NEFH: variants seen among roughly 807,000 people sequenced by gnomAD.
The protein encoded by NEFH is neurofilament heavy polypeptide.
A neutral mutation model predicts 56.6 loss-of-function variants in NEFH; 58 were observed. That is an observed-to-expected ratio of 1.03 (90% confidence interval 0.83 to 1.28). The LOEUF is 1.28. NEFH is among the 50% of genes most tolerant of loss of function. The pLI, the probability that NEFH is intolerant of heterozygous loss-of-function variation, is 0.00. For synonymous variants in NEFH, 542 were observed against 545.8 expected (o/e 0.99, Z 0.10); for missense variants, 1,221 against 1,307.6 (o/e 0.93, Z 1.02).
rs2240634 is a variant in NEFH at position 29,484,513 on chromosome 22, G to A, written c.1083+939G>A. Among the ~76,000 whole-genome samples, 1,464 of 152,120 alleles carry A rather than the reference G, an allele frequency of 9.6e-3. 66 individuals are homozygous for A. In the East Asian group the frequency reaches 0.15, roughly 16 times the overall value. On this transcript the variant is annotated intron_variant, in intron 2 of 3. Transcript: ENST00000310624. Reference sequence around the variant, plus strand: ...AAAAATTAACTGGGCATGGTGGTGCGTGCCTGTAATCCCAGCTACTTGGGA... The same window carrying A: ...AAAAATTAACTGGGCATGGTGGTGCATGCCTGTAATCCCAGCTACTTGGGA...
At position 29,481,108 on chromosome 22, in the gene NEFH, G is replaced by C; in HGVS notation, c.846G>C (p.Ala282=). The change falls in exon 1 of 4, where the codon GCG becomes GCC. Residue 282 remains alanine (A), a synonymous_variant. Coordinates refer to ENST00000310624, the MANE Select transcript of NEFH (RefSeq NM_021076.4). The part of the protein sequence containing the change: ...REIRAQLEGH[A]VQSTLQSEEW... ...TTCGCGCGCAGCTTGAAGGCCACGC[G>C]GTGCAGAGCACGCTGCAGTCCGAGG... The C allele has an allele frequency of 6.5e-7, 1 of 1,531,900 alleles. No homozygotes were observed. Among genetic ancestry groups the C allele is most frequent in the Non-Finnish European group, 8.7e-7 (1 of 1,145,768 alleles). The allele number at this position is 1,531,900 out of a possible 1,614,324, so 94.9% of individuals were successfully genotyped here. A position where few individuals can be genotyped will look rare whatever the true frequency, so the allele number is the denominator to read the frequency against.
At position 29,480,398 on chromosome 22, in the gene NEFH, G is replaced by T. The variant is rs757318200; in HGVS notation, c.136G>T (p.Gly46Cys). 3.3e-6 allele frequency: 5 copies of T among 1,536,310 alleles called. No homozygotes were observed. The highest frequency in any genetic ancestry group is 4.4e-6 in the Non-Finnish European group (5 of 1,148,250). Reference sequence around the variant, plus strand: ...GCGCTCCGCCGCTGGCTCCTCCAGCGGCTTCCACTCGTGGACACGGACGTC... The same window carrying T: ...GCGCTCCGCCGCTGGCTCCTCCAGCTGCTTCCACTCGTGGACACGGACGTC... The part of the protein sequence containing the change: ...GTRSAAGSSS[G>C]FHSWTRTSVS... The change falls in exon 1 of 4, where the codon GGC (glycine) becomes TGC (cysteine). Residue 46 changes from glycine to cysteine, a missense_variant. Around this residue, in one of 4 missense-constraint regions of NEFH, gnomAD observed 640 missense variants for 555.5 expected, o/e 1.15. Coordinates refer to ENST00000310624, the MANE Select transcript of NEFH (RefSeq NM_021076.4).
At position 29,490,201 on chromosome 22, in the gene NEFH, A is replaced by G; in HGVS notation, c.2561A>G (p.Glu854Gly). The G allele has an allele frequency of 1.2e-6, 2 of 1,611,104 alleles. No homozygotes were observed. Among genetic ancestry groups the G allele is most frequent in the South Asian group, 1.1e-5 (1 of 90,764 alleles). Residue 854 changes from glutamate to glycine, a missense_variant, in exon 4 of 4, where the codon GAG becomes GGG. This residue lies in a region of NEFH where 301 missense variants were observed against 346.6 expected (regional missense o/e 0.87). Coordinates refer to ENST00000310624, the MANE Select transcript of NEFH (RefSeq NM_021076.4). ...AAAGCCCCTGCCACACCAAAAACAG[A>G]GGAGAAGAAGGACAGCAAGAAAGAG... ...EEKAPATPKT[E>G]EKKDSKKEEA...
chr22:29,481,149 C>A lies in NEFH; in HGVS notation c.883+4C>A. 1 of 1,523,894 alleles carries A rather than the reference C, an allele frequency of 6.6e-7. No individual in the cohort carries two copies. The highest frequency in any genetic ancestry group is 1.2e-5 in the South Asian group (1 of 83,158). 94.4% of individuals were successfully genotyped at this position (1,523,894 alleles called of 1,614,324 possible). On this transcript the variant is annotated splice_donor_region_variant and intron_variant, in intron 1 of 3. Coordinates refer to ENST00000310624, the MANE Select transcript of NEFH (RefSeq NM_021076.4). Reference sequence around the variant, plus strand: ...CAGTCCGAGGAGTGGTTCCGAGGTACGCAGGCGCGCGGGTGGGGGGAGGGG... The same window carrying A: ...CAGTCCGAGGAGTGGTTCCGAGGTAAGCAGGCGCGCGGGTGGGGGGAGGGG...
chr22:29,482,932 T>C (rs1034381997), intron 1 of NEFH, among the ~76,000 whole-genome samples: 24 of 152,146 alleles, frequency 1.6e-4, no homozygotes, highest in African/African-American at 4.8e-4. Flanking sequence ...GAGTCAAGCA[T>C]ACAGGATGGT....
chr22:29,482,941 G>T (rs1046802224), intron 1 of NEFH, among the ~76,000 whole-genome samples: 2 of 152,180 alleles, frequency 1.3e-5, no homozygotes, highest in Non-Finnish European at 2.9e-5. Flanking sequence ...ATACAGGATG[G>T]TGTCTGGCAC....
rs766285926 is a variant in NEFH, at chr22:29,489,173, C to T, written c.1533C>T (p.Ser511=). Residue 511 remains serine (S), a synonymous_variant, in exon 4 of 4, where the codon TCC becomes TCT. Coordinates refer to ENST00000310624, the MANE Select transcript of NEFH (RefSeq NM_021076.4). Reference sequence around the variant, plus strand: ...CTCCCCCAGCAGAAGAGGCTGCATCCCCAGAGAAGGAAGCCAAGTCACCAG... The same window carrying T: ...CTCCCCCAGCAGAAGAGGCTGCATCTCCAGAGAAGGAAGCCAAGTCACCAG... ...TKSPPAEEAA[S]PEKEAKSPVK... 1.2e-5 allele frequency: 20 copies of T among 1,613,952 alleles called. No homozygotes were observed. The African/African-American group carries it at 2.3e-4, about 18-fold the overall frequency.
chr22:29,489,342 G>C lies in NEFH; in HGVS notation c.1702G>C (p.Glu568Gln). ...GTCACCGCCTGAGGCCAAGTCCCCA[G>C]AGAAGGAGGAAGCAAAATCTCCAGC... ...AKSPPEAKSP[E>Q]KEEAKSPAEV... Residue 568 changes from glutamate to glutamine, a missense_variant, in exon 4 of 4, where the codon GAG becomes CAG. Physicochemically the swap from Glu to Gln is conservative, Grantham distance 29 (BLOSUM62 2). Around this residue, in one of 4 missense-constraint regions of NEFH, gnomAD observed 243 missense variants for 299.1 expected, o/e 0.81. Transcript: ENST00000310624. 1 of 1,613,752 alleles carries C rather than the reference G, an allele frequency of 6.2e-7. No homozygotes were observed. Among genetic ancestry groups the C allele is most frequent in the Non-Finnish European group, 8.5e-7 (1 of 1,179,918 alleles).
rs1426874480 is a variant in NEFH at position 29,490,787 on chromosome 22, CT to C, written c.*89del. 1.9e-6 allele frequency: 3 copies of C among 1,577,614 alleles called. No individual in the cohort carries two copies. The African/African-American group carries it at 4.1e-5, about 21-fold the overall frequency. ...AAGGATCAGAGTAACACAATTTTCA[CT>C]TTTTCTGTCTTTATGTAAGAAGAAA... On this transcript the variant is annotated 3_prime_UTR_variant, in exon 4 of 4. Transcript: ENST00000310624.
At chr22:29,485,971 T>C in intron 3 of NEFH, 124 bp downstream of exon 3, 1 of 974,024 alleles carries the variant, frequency 1.0e-6, no homozygotes, top group Non-Finnish European at 1.6e-6. Flanking sequence ...CTTTTTAAAT[T>C]GCGGCAAAAT....
Position 29,489,763 on chromosome 22 carries a change from C to T in NEFH, c.2123C>T (p.Ala708Val). The change falls in exon 4 of 4, where the codon GCC becomes GTC. Residue 708 changes from alanine (A) to valine (V), a missense_variant. Physicochemically the swap from Ala to Val is moderately conservative, Grantham distance 64. Coordinates refer to ENST00000310624, the MANE Select transcript of NEFH (RefSeq NM_021076.4). ...VKEEAKSPEK[A>V]KSPVKEEAKS... ...GAAGAAGCAAAGTCCCCTGAGAAGG[C>T]CAAGTCCCCAGTGAAGGAAGAAGCA... 6.2e-7 allele frequency: 1 copy of T among 1,610,464 alleles called. No individual in the cohort carries two copies. The highest frequency in any genetic ancestry group is 1.1e-5 in the South Asian group (1 of 90,812).
chr22:29,486,801 G>T (rs1485170297), intron 3 of NEFH, among the ~76,000 whole-genome samples: 1 of 152,160 alleles, frequency 6.6e-6, no homozygotes, highest in African/African-American at 2.4e-5. Context: ...GGGATTACAG[G>T]CGTGAGCCAC....
In NEFH at chr22:29,491,333, G is replaced by A. The variant is rs2063080524; in HGVS notation, c.*630G>A. On this transcript the variant is annotated 3_prime_UTR_variant, in exon 4 of 4. Coordinates refer to ENST00000310624, the MANE Select transcript of NEFH (RefSeq NM_021076.4). Reference sequence around the variant, plus strand: ...TCTTTCCCTGGGAAGGCTGGGGGCAGGGCAGGGGAGGTCTGGATGTGACAC... The same window carrying A: ...TCTTTCCCTGGGAAGGCTGGGGGCAAGGCAGGGGAGGTCTGGATGTGACAC... The A allele has an allele frequency of 5.1e-6, 1 of 196,078 alleles. No homozygotes were observed. Among genetic ancestry groups the A allele is most frequent in the Non-Finnish European group, 1.1e-5 (1 of 94,900 alleles). 12.1% of individuals were successfully genotyped at this position (196,078 alleles called of 1,614,324 possible).
In NEFH at chr22:29,482,492, A is replaced by G. The variant is rs114042882; in HGVS notation, c.884-883A>G. On this transcript the variant is annotated intron_variant, in intron 1 of 3. Coordinates refer to ENST00000310624, the MANE Select transcript of NEFH (RefSeq NM_021076.4). ...GTGTGGCTACCAATGCTCAGGGGCA[A>G]TGCTCAGCTAGGTGGAGAAAGGGAC... 5.6e-3 allele frequency among the ~76,000 whole-genome samples: 852 copies of G among 152,330 alleles called. 7 individuals carry two copies. The highest frequency in any genetic ancestry group is 0.019 in the African/African-American group (793 of 41,566).
At chr22:29,486,461 T>C (rs889273221) in intron 3 of NEFH, among the ~76,000 whole-genome samples, 4 of 151,894 alleles carry the variant, frequency 2.6e-5, no homozygotes, top group African/African-American at 9.7e-5. Flanking sequence ...ACCGTCATTA[T>C]CATTCTCTCC....
In NEFH at chr22:29,490,898, C is replaced by G; in HGVS notation, c.*195C>G. ...AAGAGAGGGCACTCCCAGGCCCCTGCCCCCAGGCCCTCCCCAGGCGATGGA... is the reference window on the plus strand; with the variant it reads ...AAGAGAGGGCACTCCCAGGCCCCTGGCCCCAGGCCCTCCCCAGGCGATGGA... On this transcript the variant is annotated 3_prime_UTR_variant, in exon 4 of 4. Transcript: ENST00000310624. 1 of 1,020,486 alleles carries G rather than the reference C, an allele frequency of 9.8e-7. No individual in the cohort carries two copies. Among genetic ancestry groups the G allele is most frequent in the South Asian group, 1.5e-5 (1 of 68,772 alleles). The allele number at this position is 1,020,486 out of a possible 1,614,324, so 63.2% of individuals were successfully genotyped here.
Position 29,489,209 on chromosome 22 carries a change from G to C in NEFH, c.1569G>C (p.Glu523Asp), listed in dbSNP as rs138278265. 6.6e-4 allele frequency: 1,059 copies of C among 1,614,134 alleles called. 22 individuals carry two copies. The South Asian group carries it at 0.011, about 17-fold the overall frequency. ...AAGCCAAGTCACCAGTAAAGGAAGA[G>C]GCAAAGTCACCGGCTGAGGCCAAGT... ...EKEAKSPVKE[E>D]AKSPAEAKSP... The change falls in exon 4 of 4, where the codon GAG becomes GAC. Residue 523 changes from glutamate (E) to aspartate (D), a missense_variant. Coordinates refer to ENST00000310624, the MANE Select transcript of NEFH (RefSeq NM_021076.4).
rs1180146566 is a variant in NEFH, at chr22:29,490,521, A to G, written c.2881A>G (p.Lys961Glu). The G allele has an allele frequency of 1.3e-6, 2 of 1,596,654 alleles. No homozygotes were observed. The highest frequency in any genetic ancestry group is 1.7e-6 in the Non-Finnish European group (2 of 1,175,216). Residue 961 changes from lysine to glutamate, a missense_variant, in exon 4 of 4, where the codon AAG (lysine) becomes GAG (glutamate). Physicochemically the swap from Lys to Glu is moderately conservative, Grantham distance 56 (BLOSUM62 1). Around this residue, in one of 4 missense-constraint regions of NEFH, gnomAD observed 301 missense variants for 346.6 expected, o/e 0.87. Coordinates refer to ENST00000310624, the MANE Select transcript of NEFH (RefSeq NM_021076.4). Reference sequence around the variant, plus strand: ...GGAGAAAAAAGACACCAAGGAGGAGAAGGCCAAGAAGCCTGAGGAGAAACC... The same window carrying G: ...GGAGAAAAAAGACACCAAGGAGGAGGAGGCCAAGAAGCCTGAGGAGAAACC... Reference protein sequence around the residue: ...APEKKDTKEEKAKKPEEKPKT... With the variant: ...APEKKDTKEEEAKKPEEKPKT...
In NEFH at chr22:29,490,708, G is replaced by A. The variant is rs973281692; in HGVS notation, c.*5G>A. On this transcript the variant is annotated 3_prime_UTR_variant, in exon 4 of 4. Transcript: ENST00000310624. ...AAGGCCGCCAAGGGGAAGTAAGGCA[G>A]GGAGAAAGGAACATCCGGAACAGCC... 2 of 1,613,926 alleles carry A rather than the reference G, an allele frequency of 1.2e-6. No homozygotes were observed. Among genetic ancestry groups the A allele is most frequent in the African/African-American group, 1.3e-5 (1 of 74,938 alleles).
Sources: allele counts gnomAD v4.1 joint callset (sites outside exome capture counted in the v4.1 genomes callset), GRCh38; gene constraint gnomAD v4.1.1; regional missense constraint gnomAD v4.1.1; transcripts MANE v1.5; gene names NCBI Gene and HGNC (gene_info 2026-07-23, HGNC 2026-07-21).